SGCZ: variants seen among roughly 807,000 people sequenced by gnomAD.
The protein encoded by SGCZ is zeta-sarcoglycan.
A neutral mutation model predicts 41.3 loss-of-function variants in SGCZ; 40 were observed. The observed-to-expected ratio is 0.97, with a 90% CI of 0.75 to 1.26. The LOEUF (loss-of-function observed/expected upper bound fraction) is 1.26. Among genes scored for constraint, SGCZ ranks in the 50% most tolerant of loss-of-function variants. The pLI is 0.00. For missense variants in SGCZ, 552 were observed against 369.8 expected (o/e 1.49, Z -4.04); for synonymous variants, 206 against 137.5 (o/e 1.50, Z -3.49).
chr8:14,258,401 G>A (rs925857474), intron 3 of SGCZ, among the ~76,000 whole-genome samples: 1 of 152,024 alleles, frequency 6.6e-6, no homozygotes, highest in Admixed American at 6.6e-5. Flanking sequence ...CTGACCTACT[G>A]GAGGATTCAT....
At chr8:14,871,906 ATG>A (rs112984720) in intron 1 of SGCZ, among the ~76,000 whole-genome samples, 3 of 150,986 alleles carry the variant, frequency 2.0e-5, no homozygotes, top group African/African-American at 7.3e-5. Flanking sequence ...GTATGTATGT[ATG>A]TATATATATG....
At chr8:14,366,805 AATT>A (rs1333858223) in intron 2 of SGCZ, among the ~76,000 whole-genome samples, 2 of 152,140 alleles carry the variant, frequency 1.3e-5, no homozygotes, top group African/African-American at 4.8e-5. Flanking sequence ...AAGGCAAGTT[AATT>A]ACTTCTTAGA....
intron 5 of SGCZ, among the ~76,000 whole-genome samples, chr8:14,161,924 G>A (rs1445992779): frequency 6.6e-6 from 1 of 151,998 alleles, no homozygotes; most frequent in Admixed American, 6.6e-5. Flanking sequence ...ACATGGGATG[G>A]GGAAGGAGAA....
intron 2 of SGCZ, among the ~76,000 whole-genome samples, chr8:14,439,597 G>T (rs946404128): frequency 5.9e-5 from 9 of 151,514 alleles, no homozygotes; most frequent in African/African-American, 2.2e-4. Context: ...AAACAGGGAG[G>T]TTTCCATGAA....
intron 1 of SGCZ, among the ~76,000 whole-genome samples, chr8:15,217,850 G>T (rs1376756972): frequency 6.6e-6 from 1 of 152,184 alleles, no homozygotes; most frequent in Non-Finnish European, 1.5e-5. Flanking sequence ...CACTTTGGGA[G>T]GCTGAGTTGG....
In SGCZ at chr8:14,837,739, T is replaced by C. The variant is rs1802750151; in HGVS notation, c.40-282813A>G. On this transcript the variant is annotated intron_variant, in intron 1 of 7. Transcript: ENST00000382080. ...TCTGTATATTACAATGGGATGGGTT[T>C]TTTTGTGAAGAATCGTACTTAGATT... 2.0e-5 allele frequency among the ~76,000 whole-genome samples: 3 copies of C among 152,196 alleles called. 1 individual carries two copies. The highest frequency in any genetic ancestry group is 7.2e-5 in the African/African-American group (3 of 41,460).
chr8:14,988,725 T>C (rs1231440058), intron 1 of SGCZ, among the ~76,000 whole-genome samples: 1 of 152,168 alleles, frequency 6.6e-6, no homozygotes, highest in Non-Finnish European at 1.5e-5. Flanking sequence ...TAGAAATGTT[T>C]CCTTGTGAAA....
chr8:14,125,232 A>G (rs1157621715), intron 5 of SGCZ, among the ~76,000 whole-genome samples: 1 of 152,186 alleles, frequency 6.6e-6, no homozygotes, highest in Non-Finnish European at 1.5e-5. Context: ...CTGCAATCCC[A>G]GCACTTTGGG....
chr8:14,316,726 G>A (rs1359632667), intron 3 of SGCZ, among the ~76,000 whole-genome samples: 1 of 151,570 alleles, frequency 6.6e-6, no homozygotes, highest in Non-Finnish European at 1.5e-5. Context: ...CAATATTAGA[G>A]TGCCCAACGA....
At chr8:15,026,325 A>G (rs963850847) in intron 1 of SGCZ, among the ~76,000 whole-genome samples, 1 of 152,190 alleles carries the variant, frequency 6.6e-6, no homozygotes, top group Non-Finnish European at 1.5e-5. Flanking sequence ...CTACAAAGTT[A>G]TATTTGTTTT....
chr8:14,152,928 G>T (rs1157239601), intron 5 of SGCZ, among the ~76,000 whole-genome samples: 6 of 152,120 alleles, frequency 3.9e-5, no homozygotes, highest in Non-Finnish European at 7.4e-5. Context: ...ATCCGGAAAG[G>T]TAAGTAAATA....
At chr8:14,920,553 G>C (rs1195872744) in intron 1 of SGCZ, among the ~76,000 whole-genome samples, 2 of 151,836 alleles carry the variant, frequency 1.3e-5, no homozygotes, top group Non-Finnish European at 2.9e-5. Flanking sequence ...TAGACTGGAG[G>C]GTAAGTCAAA....
At chr8:14,138,396 G>T (rs1188852519) in intron 5 of SGCZ, among the ~76,000 whole-genome samples, 1 of 151,910 alleles carries the variant, frequency 6.6e-6, no homozygotes, top group Admixed American at 6.6e-5. Flanking sequence ...TTGTCAAACT[G>T]GATAAAGAGT....
At chr8:15,097,818 GTGTGTATA>G (rs1806415385) in intron 1 of SGCZ, among the ~76,000 whole-genome samples, 1 of 37,590 alleles carries the variant, frequency 2.7e-5, no homozygotes, top group African/African-American at 8.1e-5. Context: ...ATATATACGT[GTGTGTATA>G]TATATATACG....
chr8:14,770,847 G>A (rs947271760), intron 1 of SGCZ, among the ~76,000 whole-genome samples: 7 of 152,102 alleles, frequency 4.6e-5, no homozygotes, highest in Non-Finnish European at 8.8e-5. Flanking sequence ...CATGCCTGAT[G>A]TATCCAGGGA....
chr8:14,566,857 G>A (rs1297934107), intron 1 of SGCZ, among the ~76,000 whole-genome samples: 3 of 152,196 alleles, frequency 2.0e-5, no homozygotes, highest in East Asian at 1.9e-4. Flanking sequence ...GCTGCACACG[G>A]TGCTTGCGGG....
At chr8:15,024,675 G>C (rs1008665041) in intron 1 of SGCZ, among the ~76,000 whole-genome samples, 2 of 152,112 alleles carry the variant, frequency 1.3e-5, no homozygotes, top group Non-Finnish European at 2.9e-5. Context: ...GGTGGCTCAA[G>C]CCTGTAATCC....
intron 4 of SGCZ, among the ~76,000 whole-genome samples, chr8:14,174,569 C>T (rs1804485978): frequency 6.6e-6 from 1 of 151,976 alleles, no homozygotes; most frequent in African/African-American, 2.4e-5. Flanking sequence ...AATAAAATCC[C>T]CACCTAAGCG....
intron 1 of SGCZ, among the ~76,000 whole-genome samples, chr8:14,834,886 C>G (rs1002570431): frequency 2.6e-5 from 4 of 152,132 alleles, no homozygotes; most frequent in Admixed American, 2.0e-4. Flanking sequence ...CTTGCATCAC[C>G]TGCAAAAGAA....
Sources: allele counts gnomAD v4.1 joint callset (sites outside exome capture counted in the v4.1 genomes callset), GRCh38; gene constraint gnomAD v4.1.1; transcripts MANE v1.5; gene names NCBI Gene and HGNC (gene_info 2026-07-23, HGNC 2026-07-21).